Variants in MBD2 observed in about 807,000 individuals in gnomAD.
MBD2 encodes the protein methyl-CpG binding domain protein 2.
Under a neutral mutation model 39.3 loss-of-function variants are expected in MBD2, and 9 were observed. The observed-to-expected ratio is 0.23, with a 90% confidence interval of 0.14 to 0.40. The LOEUF (loss-of-function observed/expected upper bound fraction) is 0.40, where lower values mean the gene tolerates loss of function less well. Ranked by LOEUF, MBD2 falls within the 10% of genes least tolerant of loss-of-function variation. The pLI is 1.00. For missense variants in MBD2, 458 were observed against 532.6 expected, an observed-to-expected ratio of 0.86 and a Z score of 1.38; for synonymous variants, 233 against 211.1, an observed-to-expected ratio of 1.10 and a Z score of -0.90.
chr18:54,179,796 A>G (rs757074793), intron 3 of MBD2, among the ~76,000 whole-genome samples: 2 of 152,308 alleles, frequency 1.3e-5, no homozygotes, highest in Admixed American at 1.3e-4. Context: ...GAGAAACATT[A>G]AAAATGTTCC....
intron 1 of MBD2, 98 bp downstream of exon 1, chr18:54,223,920 G>T: frequency 9.8e-7 from 1 of 1,018,288 alleles, no homozygotes; most frequent in South Asian, 1.6e-5. Flanking sequence ...CCTGCCACAT[G>T]CCCCCCGGGC....
chr18:54,191,332 AAAAC>A (rs1465716825), intron 2 of MBD2, among the ~76,000 whole-genome samples: 2 of 152,212 alleles, frequency 1.3e-5, no homozygotes, highest in Non-Finnish European at 2.9e-5. Flanking sequence ...ACACAGCTCT[AAAAC>A]AAAGATTGCA....
Position 54,218,591 on chromosome 18 carries a change from C to T in MBD2, c.542+5427G>A, listed in dbSNP as rs147914689. ...TTTGCACTTACTAGCTGTACAACCC[C>T]AAGCACACTACTTCCCTTTGCTAAC... On this transcript the variant is annotated intron_variant, in intron 1 of 6. Transcript: ENST00000256429. Among the ~76,000 whole-genome samples the T allele has an allele frequency of 2.2e-3, 337 of 152,282 alleles. 3 individuals carry two copies. The highest frequency in any genetic ancestry group is 7.5e-3 in the African/African-American group (313 of 41,546).
chr18:54,208,016 C>T (rs1028132312), intron 1 of MBD2, among the ~76,000 whole-genome samples: 7 of 151,938 alleles, frequency 4.6e-5, no homozygotes, highest in East Asian at 3.9e-4. Flanking sequence ...CCAGCCTGGG[C>T]GACAGATCGA....
chr18:54,198,086 G>A (rs77760555), intron 2 of MBD2, among the ~76,000 whole-genome samples: 2,551 of 152,310 alleles, frequency 0.017, 32 homozygotes, highest in Non-Finnish European at 0.026. Context: ...AGTTTGGATG[G>A]AGGAATCCTA....
At chr18:54,181,158 G>A (rs2086249669) in intron 3 of MBD2, among the ~76,000 whole-genome samples, 1 of 151,854 alleles carries the variant, frequency 6.6e-6, no homozygotes, top group South Asian at 2.1e-4. Context: ...GCCTCCCAAA[G>A]TGCTGGGATT....
intron 5 of MBD2, among the ~76,000 whole-genome samples, chr18:54,160,749 A>G (rs1345551203): frequency 6.6e-6 from 1 of 152,082 alleles, no homozygotes; most frequent in African/African-American, 2.4e-5. Flanking sequence ...ATAGAAATTG[A>G]CATCCAGAAC....
intron 2 of MBD2, among the ~76,000 whole-genome samples, chr18:54,190,216 TGTC>T (rs2086311282): frequency 6.6e-6 from 1 of 152,150 alleles, no homozygotes; most frequent in African/African-American, 2.4e-5. Flanking sequence ...CTTTGAATAA[TGTC>T]GTTTTGTTCA....
intron 3 of MBD2, among the ~76,000 whole-genome samples, chr18:54,172,295 C>T (rs1157741942): frequency 2.0e-5 from 3 of 152,112 alleles, no homozygotes; most frequent in South Asian, 2.1e-4. Context: ...TGCAAATTAG[C>T]GTTCTTAGAC....
intron 1 of MBD2, among the ~76,000 whole-genome samples, chr18:54,209,219 C>T (rs909137634): frequency 1.3e-5 from 2 of 148,484 alleles, no homozygotes; most frequent in Non-Finnish European, 3.0e-5. Context: ...ATTGCTTGAA[C>T]CTGGGAGGCG....
At chr18:54,180,309 C>A (rs1357390320) in intron 3 of MBD2, among the ~76,000 whole-genome samples, 1 of 151,964 alleles carries the variant, frequency 6.6e-6, no homozygotes. Context: ...GAGCATGTGG[C>A]AGAAATTTTA....
At chr18:54,201,790 G>C (rs2086409782) in intron 2 of MBD2, among the ~76,000 whole-genome samples, 1 of 151,102 alleles carries the variant, frequency 6.6e-6, no homozygotes, top group Non-Finnish European at 1.5e-5. Context: ...GTGAACCTGG[G>C]AGGCAAAGCT....
At position 54,159,855 on chromosome 18, in the gene MBD2, T is replaced by C. The variant is rs1293262814; in HGVS notation, c.1158A>G (p.Ala386=). The change falls in exon 6 of 7, where the codon GCA becomes GCG. Residue 386 remains alanine (A), a synonymous_variant. Transcript: ENST00000256429. The stretch of plus-strand genomic sequence containing the variant: ...CTCGCGACAAGATGTCTGCCATCAG[T>C]GCTTCTTCCAATTTCTTGCGTACTT... The part of the protein sequence containing the change: ...VQQVRKKLEE[A]LMADILSRAA... The C allele has an allele frequency of 6.2e-7, 1 of 1,613,024 alleles. No homozygotes were observed. Among genetic ancestry groups the C allele is most frequent in the African/African-American group, 1.3e-5 (1 of 75,052 alleles).
At chr18:54,167,031 G>A (rs938343018) in intron 3 of MBD2, among the ~76,000 whole-genome samples, 4 of 152,154 alleles carry the variant, frequency 2.6e-5, no homozygotes, top group African/African-American at 9.7e-5. Context: ...GTCAGTAAGA[G>A]AGACAATGTC....
At chr18:54,187,114 A>C (rs2086291546) in intron 3 of MBD2, among the ~76,000 whole-genome samples, 1 of 152,200 alleles carries the variant, frequency 6.6e-6, no homozygotes, top group Non-Finnish European at 1.5e-5. Flanking sequence ...AGGTGCAGAA[A>C]ATAATTAAAT....
intron 1 of MBD2, among the ~76,000 whole-genome samples, chr18:54,211,546 G>C (rs2086507899): frequency 6.6e-6 from 1 of 151,926 alleles, no homozygotes; most frequent in Non-Finnish European, 1.5e-5. Flanking sequence ...TCTACAGCTT[G>C]TCCCTGATAG....
chr18:54,156,263 C>T (rs1240376122), intron 6 of MBD2, among the ~76,000 whole-genome samples: 3 of 152,106 alleles, frequency 2.0e-5, no homozygotes, highest in African/African-American at 4.8e-5. Context: ...CTAAATCTTC[C>T]GCAATCTATA....
At chr18:54,203,182 A>C (rs2086422489) in intron 2 of MBD2, 1 of 1,575,630 alleles carries the variant, frequency 6.3e-7, no homozygotes. Flanking sequence ...CAGAAAATAA[A>C]TCTGCACATT....
intron 2 of MBD2, among the ~76,000 whole-genome samples, chr18:54,195,498 G>A (rs1034805433): frequency 2.0e-5 from 3 of 152,024 alleles, no homozygotes; most frequent in African/African-American, 7.2e-5. Flanking sequence ...ACTCCAATTT[G>A]AGAAGCAGAG....
Sources: allele counts gnomAD v4.1 joint callset (sites outside exome capture counted in the v4.1 genomes callset), GRCh38; gene constraint gnomAD v4.1.1; transcripts MANE v1.5; gene names NCBI Gene and HGNC (gene_info 2026-07-23, HGNC 2026-07-21).